Variants in RIC1 observed in about 807,000 individuals in gnomAD.
The protein encoded by RIC1 is RIC1 partner of RAB6A GEF complex.
Under a neutral mutation model 169.0 loss-of-function variants are expected in RIC1, and 88 were observed. The observed-to-expected ratio is 0.52, with a 90% CI of 0.44 to 0.62. The LOEUF is 0.62. Ranked by LOEUF, RIC1 falls within the 20% of genes least tolerant of loss-of-function variation. RIC1 has a pLI of 0.00. For missense variants in RIC1, 1,877 were observed against 1,725.5 expected (o/e 1.09, Z -1.56); for synonymous variants, 790 against 601.5 (o/e 1.31, Z -4.59).
intron 3 of RIC1, among the ~76,000 whole-genome samples, chr9:5,701,799 A>T (rs1295786550): frequency 1.7e-4 from 26 of 152,334 alleles, no homozygotes; most frequent in Admixed American, 1.7e-3. Context: ...TGAGAAAACC[A>T]TCATAATTAA....
Position 5,765,747 on chromosome 9 carries a change from A to C in RIC1, c.3086A>C (p.Lys1029Thr). The C allele has an allele frequency of 6.2e-7, 1 of 1,614,170 alleles. No homozygotes were observed. The highest frequency in any genetic ancestry group is 2.2e-5 in the East Asian group (1 of 44,892). ...SQSAENVPAS[K>T]FSLQKTLSMP... The stretch of plus-strand genomic sequence containing the variant: ...TCAGCTGAAAATGTTCCTGCCAGTA[A>C]ATTCAGTTTACAGAAAACACTAAGT... Residue 1029 changes from lysine to threonine, a missense_variant, in exon 21 of 26, where the codon AAA becomes ACA. Coordinates refer to ENST00000414202, the MANE Select transcript of RIC1 (RefSeq NM_020829.4).
chr9:5,726,529 A>T (rs894966980), intron 6 of RIC1, among the ~76,000 whole-genome samples: 1 of 152,214 alleles, frequency 6.6e-6, no homozygotes, highest in African/African-American at 2.4e-5. Flanking sequence ...TGTGTCTTTT[A>T]ATCGGAGCAT....
chr9:5,757,208 C>G, intron 16 of RIC1, 105 bp from the exon 17 acceptor site: 2 of 1,307,450 alleles, frequency 1.5e-6, no homozygotes, highest in Non-Finnish European at 1.1e-6. Flanking sequence ...AGTAAGACAT[C>G]TGAGTCTTCC....
intron 6 of RIC1, among the ~76,000 whole-genome samples, chr9:5,731,208 T>C (rs1440051264): frequency 6.6e-6 from 1 of 152,154 alleles, no homozygotes; most frequent in African/African-American, 2.4e-5. Flanking sequence ...TGTGCTAGTA[T>C]AGCCTCAGCA....
chr9:5,775,352 T>A lies in RIC1; in HGVS notation c.*1106T>A, dbSNP rs1359820613. On this transcript the variant is annotated 3_prime_UTR_variant, in exon 26 of 26. Coordinates refer to ENST00000414202, the MANE Select transcript of RIC1 (RefSeq NM_020829.4). ...TGTACTTCTAGAAATGACTTAAATT[T>A]GTTTTCATACATTATGAAAACAACT... 6.6e-6 allele frequency: 1 copy of A among 152,236 alleles called. No homozygotes were observed. The highest frequency in any genetic ancestry group is 1.5e-5 in the Non-Finnish European group (1 of 68,030). The allele number at this position is 152,236 out of a possible 1,614,324, so 9.4% of individuals were successfully genotyped here.
At chr9:5,743,084 TTG>T in intron 9 of RIC1, 71 bp downstream of exon 9, 6 of 1,447,080 alleles carry the variant, frequency 4.1e-6, no homozygotes, top group Non-Finnish European at 5.7e-6. Context: ...TACAAAAACC[TTG>T]TGTCAGAACT....
intron 1 of RIC1, among the ~76,000 whole-genome samples, chr9:5,632,557 C>T (rs986391863): frequency 6.6e-6 from 1 of 151,860 alleles, no homozygotes; most frequent in African/African-American, 2.4e-5. Context: ...TATTGGAGCC[C>T]CAATATTATA....
At chr9:5,699,166 A>G (rs1052097174) in intron 3 of RIC1, among the ~76,000 whole-genome samples, 1 of 152,192 alleles carries the variant, frequency 6.6e-6, no homozygotes, top group Admixed American at 6.5e-5. Context: ...TCGATGAGGG[A>G]AAAAAATTGA....
At chr9:5,735,424 C>G (rs1376394946) in intron 7 of RIC1, among the ~76,000 whole-genome samples, 1 of 152,186 alleles carries the variant, frequency 6.6e-6, no homozygotes, top group East Asian at 1.9e-4. Context: ...AGAAGAAGTA[C>G]TCCTCCCTAG....
chr9:5,682,692 T>C (rs367989683), intron 2 of RIC1, among the ~76,000 whole-genome samples: 3 of 152,150 alleles, frequency 2.0e-5, no homozygotes, highest in East Asian at 1.9e-4. Flanking sequence ...TTTCCTGAAT[T>C]TGAATGTTGG....
rs754945003 is a variant in RIC1 at position 5,774,277 on chromosome 9, T to G, written c.*31T>G. 6.4e-6 allele frequency: 10 copies of G among 1,567,340 alleles called. No individual in the cohort carries two copies. The East Asian group carries it at 2.0e-4, about 32-fold the overall frequency. On this transcript the variant is annotated 3_prime_UTR_variant, in exon 26 of 26. Transcript: ENST00000414202. The stretch of plus-strand genomic sequence containing the variant: ...AGGTTCCATCACAAAGGGGCAGTAT[T>G]AATTAGCAGCAGCGTGCAGCTCAGT...
chr9:5,689,515 G>T (rs937699081), intron 2 of RIC1, among the ~76,000 whole-genome samples: 9 of 152,130 alleles, frequency 5.9e-5, no homozygotes, highest in African/African-American at 2.2e-4. Flanking sequence ...TAAATATGCT[G>T]TTCTGAAGTT....
At chr9:5,766,169 G>C (rs1295369548) in intron 21 of RIC1, among the ~76,000 whole-genome samples, 1 of 152,156 alleles carries the variant, frequency 6.6e-6, no homozygotes, top group Non-Finnish European at 1.5e-5. Flanking sequence ...AGCCACCCAA[G>C]TAGCTGGGAT....
intron 12 of RIC1, among the ~76,000 whole-genome samples, chr9:5,748,420 T>C (rs562394803): frequency 6.6e-6 from 1 of 152,216 alleles, no homozygotes; most frequent in African/African-American, 2.4e-5. Context: ...ATCTCCTACA[T>C]TGACATCTGG....
intron 8 of RIC1, among the ~76,000 whole-genome samples, chr9:5,742,638 T>A (rs985515558): frequency 2.6e-5 from 4 of 152,138 alleles, no homozygotes. Context: ...GAAACAGCTT[T>A]CACTTCTTAC....
intron 12 of RIC1, among the ~76,000 whole-genome samples, chr9:5,752,687 C>T (rs535173740): frequency 2.0e-4 from 30 of 152,118 alleles, no homozygotes; most frequent in Admixed American, 3.3e-4. Flanking sequence ...CCACCTGCCT[C>T]GGCCTCCCAA....
chr9:5,769,283 C>G, intron 22 of RIC1, 27 bp downstream of exon 22: 2 of 1,613,808 alleles, frequency 1.2e-6, no homozygotes, highest in East Asian at 4.5e-5. Context: ...GTCACTTGTA[C>G]AAGGAGAATT....
At chr9:5,704,800 T>C (rs929006647) in intron 3 of RIC1, among the ~76,000 whole-genome samples, 1 of 152,202 alleles carries the variant, frequency 6.6e-6, no homozygotes, top group African/African-American at 2.4e-5. Flanking sequence ...AAGAATAGTT[T>C]TAGCTCTTAT....
At chr9:5,722,836 C>T (rs895498753) in intron 6 of RIC1, among the ~76,000 whole-genome samples, 5 of 152,182 alleles carry the variant, frequency 3.3e-5, no homozygotes, top group African/African-American at 9.6e-5. Flanking sequence ...CAATAGTTTG[C>T]TCAGAATGAT....
Sources: allele counts gnomAD v4.1 joint callset (sites outside exome capture counted in the v4.1 genomes callset), GRCh38; gene constraint gnomAD v4.1.1; transcripts MANE v1.5; gene names NCBI Gene and HGNC (gene_info 2026-07-23, HGNC 2026-07-21).